Variants in BCAS3 observed in about 807,000 individuals in gnomAD.
BCAS3 encodes the protein BCAS4/BCAS3 fusion.
A neutral mutation model predicts 116.1 loss-of-function variants in BCAS3; 53 were observed. The ratio of observed to expected loss-of-function variants is 0.46; its 90% CI spans 0.37 to 0.57. The LOEUF (loss-of-function observed/expected upper bound fraction) is 0.57. BCAS3 is among the 20% of genes least tolerant of loss of function. The probability of loss-of-function intolerance (pLI) is 0.00; values close to 1 mark genes in which losing one functional copy is unlikely to be tolerated. For synonymous variants in BCAS3, 391 were observed against 408.2 expected (o/e 0.96, Z 0.51); for missense variants, 917 against 1,165.4 (o/e 0.79, Z 3.10).
chr17:60,811,239 A>G, intron 7 of BCAS3: 1 of 888,304 alleles, frequency 1.1e-6, no homozygotes, highest in Non-Finnish European at 1.8e-6. Context: ...GCAGAGGGAC[A>G]GCGCCAGGCC....
At chr17:60,998,023 T>C (rs7223391) in intron 15 of BCAS3, among the ~76,000 whole-genome samples, 16,635 of 152,042 alleles carry the variant, frequency 0.11, 2,805 homozygotes, top group African/African-American at 0.37. Context: ...GAATCCCTAA[T>C]GTCTATTGTT....
rs1308627142 is a variant in BCAS3, at chr17:61,217,680, A to G, written c.2425+133116A>G. On this transcript the variant is annotated intron_variant, in intron 22 of 23. Coordinates refer to ENST00000407086, the MANE Select transcript of BCAS3 (RefSeq NM_017679.5). The surrounding 1 kb of genome is among the most constrained non-coding windows in gnomAD (Gnocchi z 5.2). ...TATCCTGTTAGGTTTTCCAGACCTG[A>G]TATCATTAGGCAGCTTCCTCTGACT... 6.6e-6 allele frequency among the ~76,000 whole-genome samples: 1 copy of G among 152,190 alleles called. No individual in the cohort carries two copies.
chr17:61,342,329 C>G (rs1031550490), intron 22 of BCAS3, among the ~76,000 whole-genome samples: 2 of 152,196 alleles, frequency 1.3e-5, no homozygotes, highest in Middle Eastern at 3.2e-3. Context: ...ACAGCCTTGG[C>G]CAACGTGCTT....
At chr17:60,937,042 T>A (rs1391285793) in intron 13 of BCAS3, among the ~76,000 whole-genome samples, 4 of 152,106 alleles carry the variant, frequency 2.6e-5, no homozygotes, top group Non-Finnish European at 5.9e-5. Flanking sequence ...TTGTATAAGG[T>A]GTAAGGAAGG....
chr17:60,741,439 CA>C (rs1201435847), intron 5 of BCAS3, among the ~76,000 whole-genome samples: 3 of 152,096 alleles, frequency 2.0e-5, no homozygotes, highest in Non-Finnish European at 2.9e-5. Flanking sequence ...TCATTATGTA[CA>C]AAAAAACTCT....
chr17:61,005,700 C>T (rs1417825874), intron 15 of BCAS3, among the ~76,000 whole-genome samples: 4 of 148,856 alleles, frequency 2.7e-5, no homozygotes, highest in Admixed American at 2.0e-4. Flanking sequence ...AGTCTTTGCT[C>T]TTTCAGTTTA....
At chr17:61,009,533 A>G (rs2064964294) in intron 15 of BCAS3, among the ~76,000 whole-genome samples, 1 of 151,978 alleles carries the variant, frequency 6.6e-6, no homozygotes, top group Admixed American at 6.6e-5. Context: ...TTGATTCCTT[A>G]ATGTTATTTT....
rs1180827799 is a variant in BCAS3, at chr17:61,211,089, C to A, written c.2425+126525C>A. Among the ~76,000 whole-genome samples, 1 of 152,022 alleles carries A rather than the reference C, an allele frequency of 6.6e-6. No individual in the cohort carries two copies. The highest frequency in any genetic ancestry group is 6.6e-5 in the Admixed American group (1 of 15,252). ...GGGGGACAGGAGAAAAGGCCTGAGG[C>A]ACGGGGGAGAAAAGGCAGTTGCAGA... On this transcript the variant is annotated intron_variant, in intron 22 of 23. Transcript: ENST00000407086. This position sits in a 1 kb window ranked among gnomAD's most constrained non-coding sequence, Gnocchi z 4.4.
In BCAS3 at chr17:61,214,308, G is replaced by A. The variant is rs1017079229; in HGVS notation, c.2425+129744G>A. Among the ~76,000 whole-genome samples, 5 of 151,750 alleles carry A rather than the reference G, an allele frequency of 3.3e-5. No homozygotes were observed. The East Asian group carries it at 5.8e-4, about 18-fold the overall frequency. On this transcript the variant is annotated intron_variant, in intron 22 of 23. Transcript: ENST00000407086. The surrounding 1 kb of genome is among the most constrained non-coding windows in gnomAD (Gnocchi z 4.4). Reference sequence around the variant, plus strand: ...TTTGAACCTGGGAGGTGGAGGTTGCGGTGAGCTGAGATCATGCCATTGCAC... The same window carrying A: ...TTTGAACCTGGGAGGTGGAGGTTGCAGTGAGCTGAGATCATGCCATTGCAC...
chr17:60,797,189 C>T (rs2047288128), intron 6 of BCAS3, among the ~76,000 whole-genome samples: 1 of 152,116 alleles, frequency 6.6e-6, no homozygotes, highest in African/African-American at 2.4e-5. Flanking sequence ...AGCCACCGTG[C>T]TTGGCCGTTT....
At chr17:60,901,663 A>G (rs146119623) in intron 10 of BCAS3, among the ~76,000 whole-genome samples, 25 of 152,338 alleles carry the variant, frequency 1.6e-4, no homozygotes, top group African/African-American at 5.8e-4. Context: ...TAAAATAACA[A>G]TGTCAGTGAT....
rs926296603 is a variant in BCAS3, at chr17:61,032,285, A to T, written c.1638-2381A>T. ...TGCAAAGAGCTTTGAGTTTGTCCCA[A>T]TGAAGCTTGTTGGTACATTGTAGTA... On this transcript the variant is annotated intron_variant, in intron 16 of 23. Coordinates refer to ENST00000407086, the MANE Select transcript of BCAS3 (RefSeq NM_017679.5). The surrounding 1 kb of genome is among the most constrained non-coding windows in gnomAD (Gnocchi z 4.6). 3.9e-5 allele frequency among the ~76,000 whole-genome samples: 6 copies of T among 152,172 alleles called. No homozygotes were observed. Among genetic ancestry groups the T allele is most frequent in the South Asian group, 2.1e-4 (1 of 4,838 alleles).
chr17:61,290,906 A>G (rs558729953), intron 22 of BCAS3, among the ~76,000 whole-genome samples: 42 of 152,032 alleles, frequency 2.8e-4, no homozygotes, highest in Middle Eastern at 3.4e-3. Flanking sequence ...TCAGCCTCCC[A>G]AGTAGCTGGG....
intron 22 of BCAS3, among the ~76,000 whole-genome samples, chr17:61,237,439 C>G (rs770895995): frequency 6.6e-6 from 1 of 152,234 alleles, no homozygotes; most frequent in Non-Finnish European, 1.5e-5. Flanking sequence ...GGAATAAAAG[C>G]TGGCCATCCC....
intron 4 of BCAS3, among the ~76,000 whole-genome samples, chr17:60,707,414 C>T (rs977576463): frequency 3.3e-5 from 5 of 152,190 alleles, no homozygotes; most frequent in Non-Finnish European, 5.9e-5. Context: ...TCAGTCTATA[C>T]GTGGATTTTG....
chr17:60,736,506 C>T (rs149672626), intron 5 of BCAS3, among the ~76,000 whole-genome samples: 45 of 151,914 alleles, frequency 3.0e-4, no homozygotes, highest in African/African-American at 7.2e-4. Flanking sequence ...TTTATGGTTC[C>T]GGTGTTAGAG....
intron 5 of BCAS3, among the ~76,000 whole-genome samples, chr17:60,725,705 A>C (rs2039754080): frequency 6.6e-6 from 1 of 152,232 alleles, no homozygotes; most frequent in Non-Finnish European, 1.5e-5. Flanking sequence ...CCTCGAACAA[A>C]GAATTGTTCA....
intron 22 of BCAS3, among the ~76,000 whole-genome samples, chr17:61,110,932 A>G (rs919074259): frequency 6.6e-6 from 1 of 152,106 alleles, no homozygotes; most frequent in African/African-American, 2.4e-5. Context: ...TGGGTCCCTG[A>G]CCCCTCAGCA....
At position 60,967,949 on chromosome 17, in the gene BCAS3, T is replaced by TTTG. The variant is rs58004084; in HGVS notation, c.1221+20624_1221+20626dup. On this transcript the variant is annotated intron_variant, in intron 14 of 23. Coordinates refer to ENST00000407086, the MANE Select transcript of BCAS3 (RefSeq NM_017679.5). The surrounding 1 kb of genome is among the most constrained non-coding windows in gnomAD (Gnocchi z 4.7). ...AATTTCTGAATTGCTTTTCTGTGTG[T>TTTG]TTGTTGTTGTTGTTGTTGTTGTTGT... Among the ~76,000 whole-genome samples, 6,538 of 151,350 alleles carry TTTG rather than the reference T, an allele frequency of 0.043. 406 individuals carry two copies. Among genetic ancestry groups the TTTG allele is most frequent in the African/African-American group, 0.14 (5,694 of 41,020 alleles).
Sources: allele counts gnomAD v4.1 joint callset (sites outside exome capture counted in the v4.1 genomes callset), GRCh38; gene constraint gnomAD v4.1.1; non-coding constraint Gnocchi (gnomAD v3.1); transcripts MANE v1.5; gene names NCBI Gene and HGNC (gene_info 2026-07-23, HGNC 2026-07-21).